WWOX: variants seen among roughly 807,000 people sequenced by gnomAD.
WWOX encodes the protein WW domain-containing oxidoreductase.
WWOX carries 69 observed loss-of-function variants against 46.2 expected under a neutral mutation model. The ratio of observed to expected loss-of-function variants is 1.49; its 90% CI spans 1.23 to 1.82. The LOEUF (loss-of-function observed/expected upper bound fraction) is 1.82. WWOX is among the 40% of genes most tolerant of loss of function. The pLI, the probability that WWOX is intolerant of heterozygous loss-of-function variation, is 0.00. For synonymous variants in WWOX, 359 were observed against 202.6 expected (o/e 1.77, Z -6.56); for missense variants, 919 against 542.6 (o/e 1.69, Z -6.89).
At chr16:79,082,285 G>C (rs923792743) in intron 8 of WWOX, among the ~76,000 whole-genome samples, 1 of 152,216 alleles carries the variant, frequency 6.6e-6, no homozygotes, top group African/African-American at 2.4e-5. Flanking sequence ...GATGGACTTT[G>C]ATTTGAGACC....
At chr16:78,729,772 C>G (rs1179183704) in intron 8 of WWOX, among the ~76,000 whole-genome samples, 1 of 152,180 alleles carries the variant, frequency 6.6e-6, no homozygotes, top group East Asian at 1.9e-4. Context: ...CTTGAAGTCC[C>G]TCAGCTGCTA....
chr16:78,833,956 C>G (rs1410503939), intron 8 of WWOX, among the ~76,000 whole-genome samples: 1 of 152,202 alleles, frequency 6.6e-6, no homozygotes, highest in Non-Finnish European at 1.5e-5. Context: ...GTGTTGCATC[C>G]CTTTGGCTTC....
chr16:78,354,326 T>TTTTTTTTTG, intron 5 of WWOX, among the ~76,000 whole-genome samples: 1 of 148,786 alleles, frequency 6.7e-6, no homozygotes, highest in African/African-American at 2.4e-5. Context: ...TTTTTTTTTT[T>TTTTTTTTTG]GGTCAGGTGT....
chr16:78,801,651 A>T (rs555855793), intron 8 of WWOX, among the ~76,000 whole-genome samples: 1 of 152,146 alleles, frequency 6.6e-6, no homozygotes, highest in South Asian at 2.1e-4. Flanking sequence ...TTTGTTTCTG[A>T]ATGAAGTTAT....
At chr16:78,848,576 T>G (rs994420889) in intron 8 of WWOX, among the ~76,000 whole-genome samples, 4 of 152,128 alleles carry the variant, frequency 2.6e-5, no homozygotes. Context: ...GAACCTGGCC[T>G]GGTGTTGGGA....
chr16:78,565,540 C>G (rs749867403), intron 8 of WWOX, among the ~76,000 whole-genome samples: 8 of 152,196 alleles, frequency 5.3e-5, no homozygotes, highest in Non-Finnish European at 1.2e-4. Flanking sequence ...TATAAGGACC[C>G]TTTTGATTTC....
chr16:78,375,719 A>G (rs1597124933), intron 5 of WWOX, among the ~76,000 whole-genome samples: 1 of 152,304 alleles, frequency 6.6e-6, no homozygotes, highest in South Asian at 2.1e-4. Context: ...AATTCATCTT[A>G]AAGAAAAAAA....
At chr16:78,365,826 A>C (rs2151916861) in intron 5 of WWOX, among the ~76,000 whole-genome samples, 1 of 152,204 alleles carries the variant, frequency 6.6e-6, no homozygotes. Flanking sequence ...CTTCATTTGC[A>C]ACTCTCTTTT....
At chr16:78,942,544 T>G (rs1400164462) in intron 8 of WWOX, among the ~76,000 whole-genome samples, 1 of 152,096 alleles carries the variant, frequency 6.6e-6, no homozygotes, top group Non-Finnish European at 1.5e-5. Flanking sequence ...AAGCAAGGAA[T>G]TAATAAAAAC....
chr16:78,206,720 T>G (rs989119792), intron 5 of WWOX, among the ~76,000 whole-genome samples: 4 of 151,922 alleles, frequency 2.6e-5, no homozygotes, highest in Non-Finnish European at 2.9e-5. Flanking sequence ...GGGCTGAATG[T>G]CTTCTCTCAC....
chr16:78,367,385 C>T (rs543775664), intron 5 of WWOX, among the ~76,000 whole-genome samples: 1 of 144,760 alleles, frequency 6.9e-6, no homozygotes, highest in Admixed American at 7.1e-5. Context: ...TATAAACTTG[C>T]TTAAAACATG....
chr16:78,733,864 G>A (rs760838644), intron 8 of WWOX, among the ~76,000 whole-genome samples: 3 of 152,052 alleles, frequency 2.0e-5, no homozygotes, highest in Admixed American at 6.6e-5. Flanking sequence ...CCAGGATTTC[G>A]AGACCAACCT....
rs1044478788 is a variant in WWOX at position 78,802,943 on chromosome 16, C to CAAAAA, written c.1056+370193_1056+370194insAAAAA. Among the ~76,000 whole-genome samples, 18 of 40,842 alleles carry CAAAAA rather than the reference C, an allele frequency of 4.4e-4. 1 individual carries two copies. Among genetic ancestry groups the CAAAAA allele is most frequent in the Non-Finnish European group, 4.9e-4 (11 of 22,286 alleles). 26.8% of individuals were successfully genotyped at this position (40,842 alleles called of 152,430 possible). On this transcript the variant is annotated intron_variant, in intron 8 of 8. Coordinates refer to ENST00000566780, the MANE Select transcript of WWOX (RefSeq NM_016373.4). ...AAAAAAAAAAAAAAAAAAAAAAAAA[C>CAAAAA]AACAAACAGAAAAATGAACGAGTGA...
intron 8 of WWOX, among the ~76,000 whole-genome samples, chr16:78,879,926 C>G (rs1472442401): frequency 6.6e-6 from 1 of 151,932 alleles, no homozygotes; most frequent in African/African-American, 2.4e-5. Flanking sequence ...TCTGGAATCT[C>G]TAGGGTCTCT....
chr16:78,652,396 G>A (rs1241867548), intron 8 of WWOX, among the ~76,000 whole-genome samples: 10 of 134,772 alleles, frequency 7.4e-5, no homozygotes, highest in South Asian at 2.4e-4. Flanking sequence ...GTGACAGAGC[G>A]AGACTCCGTC....
chr16:78,508,580 C>T (rs1280165231), intron 8 of WWOX, among the ~76,000 whole-genome samples: 6 of 152,144 alleles, frequency 3.9e-5, no homozygotes, highest in Non-Finnish European at 8.8e-5. Flanking sequence ...ATTTCTCAAA[C>T]CAGGTTTTGC....
In WWOX at chr16:78,324,170, G is replaced by A. The variant is rs1045008185; in HGVS notation, c.517-62690G>A. ...TGGCCTTTGTCATTCAGGTCATGCTGCTTTCCTCAAGGCAAGGAACTGAGG... is the reference window on the plus strand; with the variant it reads ...TGGCCTTTGTCATTCAGGTCATGCTACTTTCCTCAAGGCAAGGAACTGAGG... On this transcript the variant is annotated intron_variant, in intron 5 of 8. Transcript: ENST00000566780. Among the ~76,000 whole-genome samples, 51 of 152,098 alleles carry A rather than the reference G, an allele frequency of 3.4e-4. 1 individual carries two copies. Among genetic ancestry groups the A allele is most frequent in the Non-Finnish European group, 7.4e-5 (5 of 68,026 alleles).
intron 8 of WWOX, among the ~76,000 whole-genome samples, chr16:78,450,463 C>G (rs762844098): frequency 2.0e-5 from 3 of 152,078 alleles, no homozygotes; most frequent in Non-Finnish European, 4.4e-5. Context: ...GTAATCTGAG[C>G]TAGAAAGTTC....
chr16:78,770,092 A>G (rs1215081864), intron 8 of WWOX, among the ~76,000 whole-genome samples: 3 of 151,596 alleles, frequency 2.0e-5, no homozygotes, highest in Admixed American at 2.0e-4. Context: ...TGGGTCATGC[A>G]TGTAATCCCA....
Sources: gnomAD v4.1 joint callset for allele counts (sites outside exome capture counted in the v4.1 genomes callset) on GRCh38, gnomAD v4.1.1 for gene constraint, MANE v1.5 for transcripts, NCBI Gene and HGNC (gene_info 2026-07-23, HGNC 2026-07-21) for gene names.